The following ANK3 variants were observed in gnomAD, a reference collection of about 807,000 sequenced individuals.
The protein encoded by ANK3 is ankyrin 3.
Under a neutral mutation model 370.9 loss-of-function variants are expected in ANK3, and 57 were observed. The ratio of observed to expected loss-of-function variants is 0.15; its 90% confidence interval spans 0.12 to 0.19. The LOEUF (loss-of-function observed/expected upper bound fraction) is 0.19. Among genes scored for constraint, ANK3 ranks in the 10% least tolerant of loss-of-function variants. The probability of loss-of-function intolerance (pLI) is 1.00; values close to 1 mark genes in which losing one functional copy is unlikely to be tolerated. For synonymous variants in ANK3, 1,929 were observed against 1,946.3 expected (o/e 0.99, Z 0.23); for missense variants, 4,439 against 5,302.1 (o/e 0.84, Z 5.06).
chr10:60,476,367 T>C (rs2075065590), intron 2 of ANK3, among the ~76,000 whole-genome samples: 1 of 152,176 alleles, frequency 6.6e-6, no homozygotes, highest in South Asian at 2.1e-4. Context: ...AACAATAATA[T>C]AATTTCTGTA....
intron 2 of ANK3, among the ~76,000 whole-genome samples, chr10:60,429,669 GC>G (rs2063970142): frequency 2.6e-5 from 4 of 152,236 alleles, no homozygotes; most frequent in African/African-American, 9.6e-5. Context: ...CTCCCAACTG[GC>G]AAAAATTCAC....
intron 1 of ANK3, among the ~76,000 whole-genome samples, chr10:60,695,550 T>C (rs1213677750): frequency 6.6e-6 from 1 of 152,168 alleles, no homozygotes; most frequent in Non-Finnish European, 1.5e-5. Context: ...TAACAAACTG[T>C]CTCTCAGACC....
At position 60,027,216 on chromosome 10, in the gene ANK3, G is replaced by A. The variant is rs76029888; in HGVS notation, c.*2630C>T. 1.1e-3 allele frequency: 161 copies of A among 150,278 alleles called. 1 individual carries two copies. Among genetic ancestry groups the A allele is most frequent in the African/African-American group, 3.2e-3 (132 of 40,868 alleles). 9.3% of individuals were successfully genotyped at this position (150,278 alleles called of 1,614,324 possible). A position where few individuals can be genotyped will look rare whatever the true frequency, so the allele number is the denominator to read the frequency against. On this transcript the variant is annotated 3_prime_UTR_variant, in exon 44 of 44. Transcript: ENST00000280772. ...CTCTCAAAGACTGAGTCAGAAATTC[G>A]TAACTCTTAGATAGGAAGTTAGGAC...
At chr10:60,570,907 A>C (rs1476279341) in intron 2 of ANK3, among the ~76,000 whole-genome samples, 2 of 152,186 alleles carry the variant, frequency 1.3e-5, no homozygotes, top group Non-Finnish European at 1.5e-5. Flanking sequence ...TTTACAACGA[A>C]TCCAGCCACT....
At chr10:60,651,932 T>C (rs560920115) in intron 1 of ANK3, among the ~76,000 whole-genome samples, 6 of 152,290 alleles carry the variant, frequency 3.9e-5, no homozygotes, top group Non-Finnish European at 7.4e-5. Context: ...GTCTAAAAAC[T>C]AGATACTAAA....
At chr10:60,241,231 T>C (rs764057631) in intron 7 of ANK3, among the ~76,000 whole-genome samples, 2 of 152,214 alleles carry the variant, frequency 1.3e-5, no homozygotes, top group Non-Finnish European at 2.9e-5. Flanking sequence ...AAGATCTATA[T>C]GCACTTTGTG....
upstream of ANK3, among the ~76,000 whole-genome samples, chr10:60,390,104 G>A (rs2062970284): frequency 1.3e-5 from 2 of 152,276 alleles, no homozygotes; most frequent in Non-Finnish European, 1.5e-5. Context: ...AACTGCTGAT[G>A]GTGACAAAAT....
intron 1 of ANK3, among the ~76,000 whole-genome samples, chr10:60,656,458 T>C (rs568834746): frequency 6.6e-6 from 1 of 152,254 alleles, no homozygotes; most frequent in East Asian, 1.9e-4. Context: ...AAAATCCACT[T>C]TTGGTTTCAC....
chr10:60,390,558 T>A (rs2063006423), upstream of ANK3, among the ~76,000 whole-genome samples: 1 of 152,088 alleles, frequency 6.6e-6, no homozygotes, highest in Non-Finnish European at 1.5e-5. Context: ...GCAGCAGCAG[T>A]GCTCAAGGCC....
At chr10:60,410,153 G>T (rs1399857702) in intron 2 of ANK3, among the ~76,000 whole-genome samples, 1 of 152,160 alleles carries the variant, frequency 6.6e-6, no homozygotes, top group East Asian at 1.9e-4. Flanking sequence ...GGCAGGCCAG[G>T]TGTGGTGGCT....
At chr10:60,283,332 G>T (rs1046220645) in intron 1 of ANK3, among the ~76,000 whole-genome samples, 8 of 151,400 alleles carry the variant, frequency 5.3e-5, no homozygotes, top group Admixed American at 4.7e-4. Flanking sequence ...GTCTATAGCT[G>T]GTTTTTTTAA....
At chr10:60,635,563 T>G (rs1019435682) in intron 1 of ANK3, among the ~76,000 whole-genome samples, 1 of 152,138 alleles carries the variant, frequency 6.6e-6, no homozygotes, top group Non-Finnish European at 1.5e-5. Flanking sequence ...CATAGAACAT[T>G]TCACATATGA....
At chr10:60,149,699 T>A (rs185380270) in intron 23 of ANK3, among the ~76,000 whole-genome samples, 7 of 152,188 alleles carry the variant, frequency 4.6e-5, no homozygotes, top group Admixed American at 4.6e-4. Context: ...AGGATTCCCA[T>A]ACCCCTTATT....
At chr10:60,277,609 A>ATCT (rs1174307585) in intron 4 of ANK3, among the ~76,000 whole-genome samples, 2 of 152,198 alleles carry the variant, frequency 1.3e-5, no homozygotes, top group African/African-American at 4.8e-5. Context: ...GTATTTTCAA[A>ATCT]TCATTCTTAT....
intron 2 of ANK3, among the ~76,000 whole-genome samples, chr10:60,413,318 T>C (rs1437198937): frequency 6.6e-6 from 1 of 152,252 alleles, no homozygotes; most frequent in Non-Finnish European, 1.5e-5. Context: ...TATGAAACTG[T>C]GGGCTACCAC....
chr10:60,406,076 C>T (rs1460649209), intron 2 of ANK3, among the ~76,000 whole-genome samples: 1 of 152,152 alleles, frequency 6.6e-6, no homozygotes, highest in African/African-American at 2.4e-5. Context: ...GGACCTTGCT[C>T]AAAGTGTCAG....
chr10:60,259,948 A>T (rs778753136), intron 7 of ANK3, among the ~76,000 whole-genome samples: 8 of 152,226 alleles, frequency 5.3e-5, no homozygotes, highest in Non-Finnish European at 8.8e-5. Flanking sequence ...GATCTGCCAC[A>T]TCAAGGATGT....
chr10:60,223,960 G>A (rs576613260), intron 8 of ANK3, among the ~76,000 whole-genome samples: 14 of 149,650 alleles, frequency 9.4e-5, no homozygotes, highest in Admixed American at 3.3e-4. Context: ...TTTTTGAAGC[G>A]GAATAAGGAT....
intron 6 of ANK3, 54 bp downstream of exon 6, chr10:60,263,781 T>C: frequency 6.2e-7 from 1 of 1,603,732 alleles, no homozygotes; most frequent in South Asian, 1.1e-5. Flanking sequence ...TCTTAAAGGT[T>C]GTGTGTCTAA....
Sources: allele counts gnomAD v4.1 joint callset (sites outside exome capture counted in the v4.1 genomes callset), GRCh38; gene constraint gnomAD v4.1.1; transcripts MANE v1.5; gene names NCBI Gene and HGNC (gene_info 2026-07-23, HGNC 2026-07-21).